Variants in TMPRSS11F observed in about 807,000 individuals in gnomAD.
The protein encoded by TMPRSS11F is transmembrane protease serine 11F.
In TMPRSS11F, 47 loss-of-function variants were observed where a neutral mutation model predicts 60.2. That is an observed-to-expected ratio of 0.78 (90% CI 0.62 to 1.00). TMPRSS11F has a LOEUF of 1.00. Among genes scored for constraint, TMPRSS11F ranks in the 50% least tolerant of loss-of-function variants. The probability of loss-of-function intolerance (pLI) is 0.00; values close to 1 mark genes in which losing one functional copy is unlikely to be tolerated. For missense variants in TMPRSS11F, 519 were observed against 522.9 expected, an observed-to-expected ratio of 0.99 and a Z score of 0.07; for synonymous variants, 166 against 167.3, an observed-to-expected ratio of 0.99 and a Z score of 0.06.
intron 1 of TMPRSS11F, among the ~76,000 whole-genome samples, chr4:68,125,082 G>A (rs1450081039): frequency 6.6e-6 from 1 of 150,668 alleles, no homozygotes; most frequent in Admixed American, 6.7e-5. Context: ...ACAAGACCAG[G>A]AAAAGACTTC....
At chr4:68,062,899 C>T in intron 8 of TMPRSS11F, 1 of 804,290 alleles carries the variant, frequency 1.2e-6, no homozygotes, top group Non-Finnish European at 2.2e-6. Context: ...TGCCTTTTAT[C>T]ACTTCTGCTG....
intron 1 of TMPRSS11F, among the ~76,000 whole-genome samples, chr4:68,121,489 T>G (rs1389716125): frequency 6.6e-6 from 1 of 152,232 alleles, no homozygotes; most frequent in Non-Finnish European, 1.5e-5. Flanking sequence ...TTAATTGTAA[T>G]ACATTTGAAT....
Position 68,090,648 on chromosome 4 carries a change from G to T in TMPRSS11F, c.164-7C>A. ...TAATAGAAAGACTTATCATCTGAAA[G>T]GTAAAACAAACAAAAGTCTCATGGT... On this transcript the variant is annotated splice_polypyrimidine_tract_variant and splice_region_variant and intron_variant, in intron 2 of 9. Transcript: ENST00000356291. The T allele has an allele frequency of 6.3e-7, 1 of 1,587,454 alleles. No homozygotes were observed. The highest frequency in any genetic ancestry group is 1.1e-5 in the South Asian group (1 of 88,640).
intron 3 of TMPRSS11F, among the ~76,000 whole-genome samples, chr4:68,086,994 A>C (rs1211867314): frequency 6.6e-6 from 1 of 152,178 alleles, no homozygotes; most frequent in African/African-American, 2.4e-5. Context: ...AAAAATCAGG[A>C]AGAAAGCAGT....
At chr4:68,109,077 T>A (rs1022996424) in intron 1 of TMPRSS11F, among the ~76,000 whole-genome samples, 1 of 152,174 alleles carries the variant, frequency 6.6e-6, no homozygotes, top group Non-Finnish European at 1.5e-5. Flanking sequence ...TTTTTAGGCA[T>A]GCATTCCCAA....
chr4:68,099,341 G>C (rs1411473985), intron 1 of TMPRSS11F, among the ~76,000 whole-genome samples: 1 of 152,140 alleles, frequency 6.6e-6, no homozygotes, highest in Non-Finnish European at 1.5e-5. Context: ...CTGGCTTTTA[G>C]ATTTTAATAT....
At chr4:68,083,624 C>A (rs564479057) in intron 3 of TMPRSS11F, among the ~76,000 whole-genome samples, 1 of 152,162 alleles carries the variant, frequency 6.6e-6, no homozygotes, top group East Asian at 1.9e-4. Context: ...CTATACTCAA[C>A]TTATACAACA....
intron 8 of TMPRSS11F, chr4:68,063,243 G>A: frequency 1.7e-6 from 1 of 574,816 alleles, no homozygotes; most frequent in Admixed American, 1.9e-5. Flanking sequence ...TACTCCACAG[G>A]TTCTCTCTCC....
chr4:68,064,299 C>T (rs1188226584), intron 8 of TMPRSS11F, among the ~76,000 whole-genome samples: 2 of 151,914 alleles, frequency 1.3e-5, no homozygotes, highest in African/African-American at 4.8e-5. Context: ...ATTCTCCTGC[C>T]TCAACCTCCC....
chr4:68,063,025 C>T (rs1284711760), intron 8 of TMPRSS11F: 1 of 670,850 alleles, frequency 1.5e-6, no homozygotes, highest in Non-Finnish European at 2.9e-6. Flanking sequence ...CTGACACGCT[C>T]ATTTGGGAGT....
chr4:68,126,956 T>C (rs1724723994), intron 1 of TMPRSS11F, among the ~76,000 whole-genome samples: 1 of 152,130 alleles, frequency 6.6e-6, no homozygotes. Flanking sequence ...ACGTAGGCAG[T>C]CTCTCTCTGC....
intron 7 of TMPRSS11F, among the ~76,000 whole-genome samples, chr4:68,066,880 G>A (rs1417888905): frequency 1.3e-5 from 2 of 150,774 alleles, no homozygotes; most frequent in African/African-American, 4.9e-5. Context: ...CTTGCAGTGA[G>A]CTGAGATAGT....
At chr4:68,055,751 A>C (rs1723030885) in intron 9 of TMPRSS11F, among the ~76,000 whole-genome samples, 1 of 152,196 alleles carries the variant, frequency 6.6e-6, no homozygotes, top group African/African-American at 2.4e-5. Context: ...TACTAAAGCC[A>C]GATAAGGACA....
intron 1 of TMPRSS11F, among the ~76,000 whole-genome samples, chr4:68,104,394 T>A (rs987365072): frequency 1.3e-5 from 2 of 152,128 alleles, no homozygotes; most frequent in Non-Finnish European, 2.9e-5. Flanking sequence ...AGGAGGGACC[T>A]GGTGGGAGGT....
intron 7 of TMPRSS11F, 44 bp from the exon 8 acceptor site, chr4:68,064,988 T>C: frequency 6.4e-7 from 1 of 1,553,678 alleles, no homozygotes; most frequent in African/African-American, 1.4e-5. Flanking sequence ...TTGACTTAAT[T>C]CTGTAAAAAA....
At chr4:68,089,887 A>G (rs11944820) in intron 3 of TMPRSS11F, among the ~76,000 whole-genome samples, 43,690 of 151,898 alleles carry the variant, frequency 0.29, 6,374 homozygotes, top group East Asian at 0.49. Flanking sequence ...AAAGACTACA[A>G]TCCAAGCTAA....
chr4:68,062,875 A>AT (rs760588276), intron 8 of TMPRSS11F: 51 of 781,694 alleles, frequency 6.5e-5, no homozygotes, highest in Non-Finnish European at 2.3e-6. Flanking sequence ...TTGCTGCCCA[A>AT]TTTTTTAAGT....
chr4:68,075,154 C>T (rs1311945767), intron 3 of TMPRSS11F, among the ~76,000 whole-genome samples: 4 of 152,090 alleles, frequency 2.6e-5, no homozygotes, highest in African/African-American at 9.7e-5. Context: ...CTTCCTCTCC[C>T]TGACTCTTCT....
At chr4:68,060,293 G>A (rs569099082) in intron 8 of TMPRSS11F, among the ~76,000 whole-genome samples, 2 of 151,018 alleles carry the variant, frequency 1.3e-5, no homozygotes, top group Non-Finnish European at 3.0e-5. Context: ...GGATCATGAG[G>A]TCAGGAGATC....
Sources: gnomAD v4.1 joint callset for allele counts (sites outside exome capture counted in the v4.1 genomes callset) on GRCh38, gnomAD v4.1.1 for gene constraint, MANE v1.5 for transcripts, NCBI Gene and HGNC (gene_info 2026-07-23, HGNC 2026-07-21) for gene names.